RNGTT: variants seen among roughly 807,000 people sequenced by gnomAD.
RNGTT encodes the protein RNA guanylyltransferase and 5'-phosphatase, also known as mRNA-capping enzyme.
RNGTT carries 33 observed loss-of-function variants against 79.3 expected under a neutral mutation model. The ratio of observed to expected loss-of-function variants is 0.42; its 90% CI spans 0.32 to 0.56. The LOEUF is 0.56. Among genes scored for constraint, RNGTT ranks in the 20% least tolerant of loss-of-function variants. The probability of loss-of-function intolerance (pLI) is 0.17; values close to 1 mark genes in which losing one functional copy is unlikely to be tolerated. For synonymous variants in RNGTT, 222 were observed against 235.9 expected, an observed-to-expected ratio of 0.94 and a Z score of 0.54; for missense variants, 497 against 739.1, an observed-to-expected ratio of 0.67 and a Z score of 3.80.
At chr6:88,850,088 T>G (rs1266508615) in intron 9 of RNGTT, among the ~76,000 whole-genome samples, 1 of 152,012 alleles carries the variant, frequency 6.6e-6, no homozygotes, top group Non-Finnish European at 1.5e-5. Flanking sequence ...ATGCTACATT[T>G]TGCTTTATGC....
intron 11 of RNGTT, among the ~76,000 whole-genome samples, chr6:88,832,411 C>T (rs2127889837): frequency 6.6e-6 from 1 of 151,366 alleles, no homozygotes; most frequent in African/African-American, 2.4e-5. Context: ...AAACTGGACC[C>T]ATTCCTTATA....
intron 11 of RNGTT, among the ~76,000 whole-genome samples, chr6:88,806,109 G>T (rs1013362482): frequency 6.6e-6 from 1 of 151,852 alleles, no homozygotes; most frequent in African/African-American, 2.4e-5. Context: ...ATATAGGAAA[G>T]AAAAATCCAC....
intron 11 of RNGTT, among the ~76,000 whole-genome samples, chr6:88,834,114 AT>A (rs1780980009): frequency 2.0e-5 from 3 of 152,354 alleles, no homozygotes; most frequent in Admixed American, 6.5e-5. Context: ...TATAAAAAAA[AT>A]TAGCTCTCAT....
chr6:88,886,794 A>C (rs1481802534), intron 8 of RNGTT, among the ~76,000 whole-genome samples: 6 of 152,120 alleles, frequency 3.9e-5, no homozygotes, highest in African/African-American at 1.4e-4. Context: ...TATTACAACT[A>C]ATATAAATTT....
intron 6 of RNGTT, among the ~76,000 whole-genome samples, chr6:88,896,623 T>C (rs1162839926): frequency 1.3e-5 from 2 of 152,176 alleles, no homozygotes; most frequent in East Asian, 1.9e-4. Flanking sequence ...CAGGTTCCAA[T>C]ATTGTCCTAA....
At chr6:88,886,942 G>A (rs1782879933) in intron 8 of RNGTT, among the ~76,000 whole-genome samples, 1 of 151,052 alleles carries the variant, frequency 6.6e-6, no homozygotes, top group African/African-American at 2.4e-5. Flanking sequence ...AGGGTTCAAT[G>A]GCTCACACTT....
chr6:88,735,816 A>T (rs530616177), intron 13 of RNGTT, among the ~76,000 whole-genome samples: 1 of 152,180 alleles, frequency 6.6e-6, no homozygotes, highest in East Asian at 1.9e-4. Context: ...GAAAAAAAGA[A>T]ATAATAAAAA....
chr6:88,632,197 A>G (rs1446214836), intron 14 of RNGTT, among the ~76,000 whole-genome samples: 2 of 152,138 alleles, frequency 1.3e-5, no homozygotes, highest in Non-Finnish European at 2.9e-5. Context: ...CCCGGGCTGA[A>G]GCAACCCATC....
At chr6:88,952,872 C>T (rs1487757686) in intron 1 of RNGTT, among the ~76,000 whole-genome samples, 1 of 152,154 alleles carries the variant, frequency 6.6e-6, no homozygotes, top group African/African-American at 2.4e-5. Flanking sequence ...ATAACAATCA[C>T]ACCAATCCAG....
chr6:88,612,577 T>TA lies in RNGTT; in HGVS notation c.*141dup. The stretch of plus-strand genomic sequence containing the variant: ...TCAAGTATTTACAGGCTGGCTACGA[T>TA]AACTTTCTTTTTTTAAAAAAAATTC... On this transcript the variant is annotated 3_prime_UTR_variant, in exon 16 of 16. Transcript: ENST00000369485. 1 of 901,460 alleles carries TA rather than the reference T, an allele frequency of 1.1e-6. No individual in the cohort carries two copies. 55.8% of individuals were successfully genotyped at this position (901,460 alleles called of 1,614,324 possible).
intron 13 of RNGTT, among the ~76,000 whole-genome samples, chr6:88,749,852 A>G (rs1777784165): frequency 6.6e-6 from 1 of 152,202 alleles, no homozygotes; most frequent in Non-Finnish European, 1.5e-5. Context: ...AGATGTAGAC[A>G]GGACCATGTT....
chr6:88,758,521 A>T (rs183153758), intron 13 of RNGTT, among the ~76,000 whole-genome samples: 1 of 152,302 alleles, frequency 6.6e-6, no homozygotes, highest in Admixed American at 6.5e-5. Flanking sequence ...TGTTTGATGA[A>T]ACTGACATAT....
chr6:88,727,403 G>C (rs1004779020), intron 13 of RNGTT, among the ~76,000 whole-genome samples: 2 of 152,106 alleles, frequency 1.3e-5, no homozygotes, highest in Admixed American at 1.3e-4. Flanking sequence ...AAACATATTG[G>C]CTAAAGTTAA....
At chr6:88,753,830 T>C (rs1227850369) in intron 13 of RNGTT, among the ~76,000 whole-genome samples, 1 of 152,110 alleles carries the variant, frequency 6.6e-6, no homozygotes, top group Non-Finnish European at 1.5e-5. Flanking sequence ...CTGAATACTC[T>C]GAGCTTCTTA....
Position 88,612,213 on chromosome 6 carries a change from T to C in RNGTT, c.*506A>G, listed in dbSNP as rs1424693770. ...CAACTTAACAACCCTGTCATTTGTT[T>C]TTGAATACAGGGATCTCAGAAATGT... is the stretch of plus-strand genomic sequence containing the variant. On this transcript the variant is annotated 3_prime_UTR_variant, in exon 16 of 16. Transcript: ENST00000369485. 1.3e-5 allele frequency: 2 copies of C among 153,008 alleles called. No individual in the cohort carries two copies. Among genetic ancestry groups the C allele is most frequent in the Non-Finnish European group, 2.9e-5 (2 of 68,318 alleles). 9.5% of individuals were successfully genotyped at this position (153,008 alleles called of 1,614,324 possible). A position where few individuals can be genotyped will look rare whatever the true frequency, so the allele number is the denominator to read the frequency against.
intron 13 of RNGTT, among the ~76,000 whole-genome samples, chr6:88,700,302 C>T (rs1197295484): frequency 2.0e-5 from 3 of 152,024 alleles, no homozygotes; most frequent in South Asian, 2.1e-4. Flanking sequence ...TTCTTTATTC[C>T]CCAAACTTTC....
chr6:88,756,608 C>G (rs1360284804), intron 13 of RNGTT, among the ~76,000 whole-genome samples: 1 of 152,140 alleles, frequency 6.6e-6, no homozygotes, highest in Non-Finnish European at 1.5e-5. Flanking sequence ...ATAAAACCAA[C>G]TATATTTTCA....
Position 88,612,716 on chromosome 6 carries a change from G to C in RNGTT, c.*3C>G. 6.2e-7 allele frequency: 1 copy of C among 1,611,620 alleles called. No individual in the cohort carries two copies. On this transcript the variant is annotated 3_prime_UTR_variant, in exon 16 of 16. Transcript: ENST00000369485. ...TTCTTAACCCTCAAGTCACAGGCAG[G>C]TCTTAGGTTAAAGGGCGTGGTCTTT...
intron 13 of RNGTT, among the ~76,000 whole-genome samples, chr6:88,702,695 C>T (rs375749470): frequency 5.3e-5 from 8 of 152,116 alleles, no homozygotes; most frequent in African/African-American, 1.9e-4. Flanking sequence ...GCAACAAAAA[C>T]AAAAATTGAC....
Sources: gnomAD v4.1 joint callset for allele counts (sites outside exome capture counted in the v4.1 genomes callset) on GRCh38, gnomAD v4.1.1 for gene constraint, MANE v1.5 for transcripts, NCBI Gene and HGNC (gene_info 2026-07-23, HGNC 2026-07-21) for gene names.